The following TRPM8 variants were observed in gnomAD, a reference collection of about 807,000 sequenced individuals.
TRPM8 encodes transient receptor potential cation channel subfamily M member 8.
A neutral mutation model predicts 133.7 loss-of-function variants in TRPM8; 110 were observed. That is an observed-to-expected ratio of 0.82 (90% CI 0.70 to 0.96). The LOEUF is 0.96. TRPM8 is among the 40% of genes least tolerant of loss of function. TRPM8 has a pLI of 0.00. For missense variants in TRPM8, 1,291 were observed against 1,379.5 expected (o/e 0.94, Z 1.02); for synonymous variants, 535 against 532.3 (o/e 1.01, Z -0.07).
intron 24 of TRPM8, chr2:234,013,859 TA>T (rs1368029070): frequency 8.5e-5 from 13 of 152,190 alleles, no homozygotes; most frequent in African/African-American, 2.9e-4. Context: ...TTTTTTCTTT[TA>T]TTTTTAAACA....
intron 21 of TRPM8, among the ~76,000 whole-genome samples, chr2:233,992,360 G>T (rs1277082699): frequency 6.6e-6 from 1 of 151,080 alleles, no homozygotes; most frequent in African/African-American, 2.4e-5. Context: ...TTTTCCCTTT[G>T]ATCTAGTATT....
intron 23 of TRPM8, among the ~76,000 whole-genome samples, chr2:234,007,667 A>G (rs1028346140): frequency 1.1e-4 from 17 of 152,200 alleles, no homozygotes; most frequent in African/African-American, 4.1e-4. Context: ...GAGTATATAT[A>G]AGCACAACTA....
rs1050968486 is a variant in TRPM8, at chr2:233,937,656, G to T, written c.348+147G>T. 9.1e-6 allele frequency: 9 copies of T among 993,770 alleles called. No homozygotes were observed. In the Admixed American group the frequency reaches 2.2e-4, roughly 25 times the overall value. The allele number at this position is 993,770 out of a possible 1,614,324, so 61.6% of individuals were successfully genotyped here. Reference sequence around the variant, plus strand: ...ACGATTGCAGAAAAAGATACATCTTGTAAAAGCCAAAAAGCAGTTATTAGG... The same window carrying T: ...ACGATTGCAGAAAAAGATACATCTTTTAAAAGCCAAAAAGCAGTTATTAGG... On this transcript the variant is annotated intron_variant, in intron 4 of 25. Coordinates refer to ENST00000324695, the MANE Select transcript of TRPM8 (RefSeq NM_024080.5).
chr2:233,966,379 A>C (rs1367832408), intron 14 of TRPM8, among the ~76,000 whole-genome samples: 1 of 152,168 alleles, frequency 6.6e-6, no homozygotes, highest in African/African-American at 2.4e-5. Context: ...TCCAGTGAGC[A>C]GTTATTGTCA....
chr2:233,923,024 C>T (rs557400793), intron 1 of TRPM8, among the ~76,000 whole-genome samples: 79 of 152,160 alleles, frequency 5.2e-4, no homozygotes, highest in Middle Eastern at 3.4e-3. Flanking sequence ...CCCGCCACCA[C>T]GCCTGGCTAA....
chr2:233,991,054 G>T (rs1011832434), intron 21 of TRPM8, among the ~76,000 whole-genome samples: 2 of 152,120 alleles, frequency 1.3e-5, no homozygotes, highest in African/African-American at 2.4e-5. Flanking sequence ...TTGCTTGAAA[G>T]ATCATGTACC....
intron 22 of TRPM8, among the ~76,000 whole-genome samples, chr2:234,004,173 G>T (rs1373904995): frequency 6.6e-6 from 1 of 152,176 alleles, no homozygotes; most frequent in Non-Finnish European, 1.5e-5. Context: ...AATAACCAGA[G>T]AAATGGTGTG....
At chr2:233,988,809 A>G (rs892485576) in intron 21 of TRPM8, among the ~76,000 whole-genome samples, 1 of 152,192 alleles carries the variant, frequency 6.6e-6, no homozygotes, top group Non-Finnish European at 1.5e-5. Flanking sequence ...ATAGTGTCCA[A>G]AAGTCAGAGG....
chr2:233,941,992 T>C (rs1300777370), intron 5 of TRPM8, among the ~76,000 whole-genome samples: 3 of 151,290 alleles, frequency 2.0e-5, no homozygotes, highest in Non-Finnish European at 4.4e-5. Context: ...CTCTAGAGGC[T>C]GGTTAAAGAT....
chr2:233,930,080 C>A (rs2125052133), intron 2 of TRPM8, among the ~76,000 whole-genome samples: 1 of 152,280 alleles, frequency 6.6e-6, no homozygotes, highest in East Asian at 1.9e-4. Context: ...ATACATGATG[C>A]AAATACCTTC....
chr2:234,008,626 C>T (rs11562942), intron 24 of TRPM8, among the ~76,000 whole-genome samples: 1 of 152,086 alleles, frequency 6.6e-6, no homozygotes, highest in African/African-American at 2.4e-5. Context: ...ATGCTAGATC[C>T]CTGCTAGGCT....
At chr2:233,994,011 A>G (rs1380139601) in intron 21 of TRPM8, among the ~76,000 whole-genome samples, 2 of 152,176 alleles carry the variant, frequency 1.3e-5, no homozygotes, top group African/African-American at 4.8e-5. Context: ...TGGAAATACA[A>G]CATTGCTTAA....
At chr2:233,985,585 A>C in intron 20 of TRPM8, 103 bp from the exon 21 acceptor site, 2 of 1,153,360 alleles carry the variant, frequency 1.7e-6, no homozygotes, top group Non-Finnish European at 1.3e-6. Flanking sequence ...CGAAGGCCTA[A>C]GACATTTCAT....
intron 17 of TRPM8, among the ~76,000 whole-genome samples, chr2:233,973,592 G>A (rs1181290208): frequency 1.3e-5 from 2 of 152,194 alleles, no homozygotes; most frequent in Non-Finnish European, 2.9e-5. Context: ...CAATGCCCCT[G>A]TTTCCAAACA....
chr2:234,014,784 C>CAAAAAA (rs11422376), intron 25 of TRPM8, 130 bp downstream of exon 25: 441 of 341,266 alleles, frequency 1.3e-3, no homozygotes, highest in African/African-American at 9.3e-3. Context: ...ATGCATTGTG[C>CAAAAAA]AAAAAAAAAA....
rs28901638 is a variant in TRPM8 at position 233,946,121 on chromosome 2, C to G, written c.874+91C>G. ...AATCACTACCAACTATTGAGTGATG[C>G]GTGAGAAACACACCTGATCAGGTAT... is the stretch of plus-strand genomic sequence containing the variant. On this transcript the variant is annotated intron_variant, in intron 7 of 25. Transcript: ENST00000324695. The G allele has an allele frequency of 1.4e-5, 17 of 1,229,604 alleles. No individual in the cohort carries two copies. The Middle Eastern group carries it at 6.5e-4, about 47-fold the overall frequency. The allele number at this position is 1,229,604 out of a possible 1,614,324, so 76.2% of individuals were successfully genotyped here. A position where few individuals can be genotyped will look rare whatever the true frequency, so the allele number is the denominator to read the frequency against.
chr2:233,957,322 C>G (rs1325447815), intron 11 of TRPM8, among the ~76,000 whole-genome samples: 1 of 138,114 alleles, frequency 7.2e-6, no homozygotes, highest in Non-Finnish European at 1.5e-5. Flanking sequence ...CCCACCTCTG[C>G]CCCCCCCAAA....
rs77051353 is a variant in TRPM8 at position 233,992,353 on chromosome 2, T to C, written c.2940-3973T>C. 8.1e-3 allele frequency among the ~76,000 whole-genome samples: 1,240 copies of C among 152,222 alleles called. 16 individuals are homozygous for C. Among genetic ancestry groups the C allele is most frequent in the Admixed American group, 0.035 (534 of 15,274 alleles). Reference sequence around the variant, plus strand: ...CTAGCAGTTATTGAAATGCTATTTTTCCCTTTGATCTAGTATTATGATGCA... The same window carrying C: ...CTAGCAGTTATTGAAATGCTATTTTCCCCTTTGATCTAGTATTATGATGCA... On this transcript the variant is annotated intron_variant, in intron 21 of 25. Transcript: ENST00000324695.
chr2:233,972,751 G>A (rs930266611), intron 17 of TRPM8, among the ~76,000 whole-genome samples: 2 of 152,184 alleles, frequency 1.3e-5, no homozygotes, highest in Admixed American at 6.5e-5. Flanking sequence ...AGGGCCGGCC[G>A]GCTGCTCCCA....
Sources: gnomAD v4.1 joint callset for allele counts (sites outside exome capture counted in the v4.1 genomes callset) on GRCh38, gnomAD v4.1.1 for gene constraint, MANE v1.5 for transcripts, NCBI Gene and HGNC (gene_info 2026-07-23, HGNC 2026-07-21) for gene names.